TSC22D1: variants seen among roughly 807,000 people sequenced by gnomAD.
TSC22D1 encodes the protein TSC22 domain family protein 1.
TSC22D1 carries 9 observed loss-of-function variants against 74.2 expected under a neutral mutation model. The observed-to-expected ratio is 0.12, with a 90% CI of 0.07 to 0.21. The LOEUF is 0.21. TSC22D1 is among the 10% of genes least tolerant of loss of function. The pLI is 1.00. For synonymous variants in TSC22D1, 586 were observed against 492.5 expected (o/e 1.19, Z -2.51); for missense variants, 1,427 against 1,304.7 (o/e 1.09, Z -1.44).
intron 1 of TSC22D1, among the ~76,000 whole-genome samples, chr13:44,570,172 G>C: frequency 6.6e-6 from 1 of 150,802 alleles, no homozygotes; most frequent in South Asian, 2.1e-4. Flanking sequence ...TCATGTTACA[G>C]TCTAAGACAT....
At chr13:44,544,755 T>C (rs1377161500) in intron 1 of TSC22D1, among the ~76,000 whole-genome samples, 1 of 152,126 alleles carries the variant, frequency 6.6e-6, no homozygotes, top group Non-Finnish European at 1.5e-5. Flanking sequence ...TTGGAAAATA[T>C]ACCATCTGAA....
intron 1 of TSC22D1, among the ~76,000 whole-genome samples, chr13:44,443,586 T>C (rs998666414): frequency 2.6e-5 from 4 of 152,312 alleles, no homozygotes; most frequent in Admixed American, 1.3e-4. Context: ...CAGTGCCACA[T>C]ACCTGTAGTC....
At chr13:44,476,084 T>C (rs540912819) in intron 1 of TSC22D1, among the ~76,000 whole-genome samples, 31 of 152,346 alleles carry the variant, frequency 2.0e-4, no homozygotes, top group African/African-American at 7.5e-4. Context: ...TATCCCACAT[T>C]AGGTGGGGGC....
intron 1 of TSC22D1, among the ~76,000 whole-genome samples, chr13:44,548,334 T>C (rs748744046): frequency 1.6e-4 from 24 of 152,204 alleles, no homozygotes; most frequent in Non-Finnish European, 2.6e-4. Context: ...CTGGCCAACA[T>C]GGCGAAACCC....
intron 1 of TSC22D1, among the ~76,000 whole-genome samples, chr13:44,541,107 G>A (rs1490364551): frequency 1.3e-5 from 2 of 152,130 alleles, no homozygotes; most frequent in Non-Finnish European, 2.9e-5. Flanking sequence ...TTAGTGGAAC[G>A]AGGATTGTGT....
intron 1 of TSC22D1, among the ~76,000 whole-genome samples, chr13:44,438,724 G>A (rs769598599): frequency 1.3e-5 from 2 of 151,458 alleles, no homozygotes; most frequent in African/African-American, 2.4e-5. Flanking sequence ...TCCAACAAAA[G>A]GAGACTAAGT....
chr13:44,460,006 A>G (rs1595094632), intron 1 of TSC22D1, among the ~76,000 whole-genome samples: 2 of 152,328 alleles, frequency 1.3e-5, no homozygotes, highest in African/African-American at 2.4e-5. Context: ...TGGAATTATT[A>G]GCTCAGAGGG....
Position 44,575,897 on chromosome 13 carries a change from G to C in TSC22D1, c.178C>G (p.Pro60Ala), listed in dbSNP as rs1375451997. 1 of 1,614,020 alleles carries C rather than the reference G, an allele frequency of 6.2e-7. No individual in the cohort carries two copies. ...SNATSSEDFPPPSLLQPPPPA... is the reference protein window; with the variant it reads ...SNATSSEDFPAPSLLQPPPPA... ...GGCGGCGGCTGAAGCAGCGACGGAG[G>C]CGGAAAATCCTCGGAAGATGTGGCA... is the stretch of plus-strand genomic sequence containing the variant. The change falls in exon 1 of 3, where the codon CCT becomes GCT. Residue 60 changes from proline (P) to alanine (A), a missense_variant. Coordinates refer to ENST00000458659, the MANE Select transcript of TSC22D1 (RefSeq NM_183422.4).
At chr13:44,528,156 A>G (rs1018096779) in intron 1 of TSC22D1, among the ~76,000 whole-genome samples, 1 of 152,102 alleles carries the variant, frequency 6.6e-6, no homozygotes, top group African/African-American at 2.4e-5. Context: ...AAAATCGGTA[A>G]GGACATAATT....
Position 44,573,185 on chromosome 13 carries a change from G to C in TSC22D1, c.2890C>G (p.Leu964Val). 6.2e-7 allele frequency: 1 copy of C among 1,614,102 alleles called. No individual in the cohort carries two copies. Residue 964 changes from leucine to valine, a missense_variant, in exon 1 of 3, where the codon CTG becomes GTG. This residue lies in a region of TSC22D1 where 1,343 missense variants were observed against 1,191.5 expected (regional missense o/e 1.13). Coordinates refer to ENST00000458659, the MANE Select transcript of TSC22D1 (RefSeq NM_183422.4). ...PLKVLPLTTPLVDGEDESSSG... is the reference protein window; with the variant it reads ...PLKVLPLTTPVVDGEDESSSG... ...TACCTCTCATCCTCGCCATCCACCAGGGGTGTCGTCAGCGGTAGCACCTTC... is the reference window on the plus strand; with the variant it reads ...TACCTCTCATCCTCGCCATCCACCACGGGTGTCGTCAGCGGTAGCACCTTC...
intron 1 of TSC22D1, among the ~76,000 whole-genome samples, chr13:44,473,017 A>G (rs944803721): frequency 6.6e-6 from 1 of 152,224 alleles, no homozygotes; most frequent in Admixed American, 6.5e-5. Flanking sequence ...CACGTCTTAC[A>G]TAGATGGCAG....
chr13:44,495,709 A>G (rs1280171235), intron 1 of TSC22D1, among the ~76,000 whole-genome samples: 1 of 152,228 alleles, frequency 6.6e-6, no homozygotes, highest in Non-Finnish European at 1.5e-5. Context: ...ACCTACATCT[A>G]CAACCAACTG....
At position 44,517,857 on chromosome 13, in the gene TSC22D1, A is replaced by ATATAT. The variant is rs10627677; in HGVS notation, c.2912+55305_2912+55306insATATA. ...TATATATATATATATATATATATATATTTTTTTTTTTTTTTTTTTTTTAAC... is the reference window on the plus strand; with the variant it reads ...TATATATATATATATATATATATATATATATTTTTTTTTTTTTTTTTTTTTTTAAC... On this transcript the variant is annotated intron_variant, in intron 1 of 2. Transcript: ENST00000458659. 1.2e-3 allele frequency among the ~76,000 whole-genome samples: 20 copies of ATATAT among 16,182 alleles called. 1 individual carries two copies. The highest frequency in any genetic ancestry group is 4.7e-3 in the South Asian group (2 of 428). The allele number at this position is 16,182 out of a possible 152,430, so 10.6% of individuals were successfully genotyped here.
intron 1 of TSC22D1, among the ~76,000 whole-genome samples, chr13:44,501,745 G>A (rs1353506888): frequency 6.6e-6 from 1 of 152,138 alleles, no homozygotes; most frequent in African/African-American, 2.4e-5. Context: ...CTGTATCAAA[G>A]CCTCATAAAT....
intron 1 of TSC22D1, among the ~76,000 whole-genome samples, chr13:44,502,555 TACA>T (rs1244822951): frequency 1.3e-5 from 2 of 152,172 alleles, no homozygotes; most frequent in Non-Finnish European, 2.9e-5. Flanking sequence ...TATTCATTCA[TACA>T]ACAAATGCTT....
intron 1 of TSC22D1, among the ~76,000 whole-genome samples, chr13:44,454,586 T>C (rs779934299): frequency 4.0e-5 from 6 of 151,568 alleles, no homozygotes; most frequent in Non-Finnish European, 2.9e-5. Context: ...TTACTATGTT[T>C]ATTGGCTTCC....
intron 1 of TSC22D1, among the ~76,000 whole-genome samples, chr13:44,468,777 A>G (rs544939468): frequency 6.7e-6 from 1 of 150,082 alleles, no homozygotes; most frequent in South Asian, 2.1e-4. Context: ...TATTATGAAG[A>G]ATTTATAATA....
chr13:44,504,767 T>C (rs1879371241), intron 1 of TSC22D1, among the ~76,000 whole-genome samples: 2 of 152,194 alleles, frequency 1.3e-5, no homozygotes, highest in African/African-American at 4.8e-5. Flanking sequence ...CAATCTACAA[T>C]GCATTAAAGT....
intron 1 of TSC22D1, among the ~76,000 whole-genome samples, chr13:44,524,533 C>A (rs551868434): frequency 6.6e-6 from 1 of 152,146 alleles, no homozygotes; most frequent in Admixed American, 6.5e-5. Flanking sequence ...GGGCTCCCCA[C>A]ACTTCCATGA....
Sources: allele counts gnomAD v4.1 joint callset (sites outside exome capture counted in the v4.1 genomes callset), GRCh38; gene constraint gnomAD v4.1.1; regional missense constraint gnomAD v4.1.1; transcripts MANE v1.5; gene names NCBI Gene and HGNC (gene_info 2026-07-23, HGNC 2026-07-21).